NDUFA10: variants seen among roughly 807,000 people sequenced by gnomAD.
The protein encoded by NDUFA10 is NADH:ubiquinone oxidoreductase subunit A10, also known as NADH dehydrogenase [ubiquinone] 1 alpha subcomplex subunit 10, mitochondrial.
A neutral mutation model predicts 47.8 loss-of-function variants in NDUFA10; 40 were observed. The observed-to-expected ratio is 0.84, with a 90% CI of 0.65 to 1.09. The LOEUF (loss-of-function observed/expected upper bound fraction) is 1.09. Among genes scored for constraint, NDUFA10 ranks in the 50% least tolerant of loss-of-function variants. The pLI is 0.00. For missense variants in NDUFA10, 413 were observed against 451.1 expected (o/e 0.92, Z 0.76); for synonymous variants, 183 against 172.2 (o/e 1.06, Z -0.49).
chr2:240,014,582 C>T (rs1409499595), intron 5 of NDUFA10, 157 bp downstream of exon 5: 5 of 1,220,588 alleles, frequency 4.1e-6, no homozygotes, highest in East Asian at 2.4e-5. Flanking sequence ...CTCCCCTCCA[C>T]CCCTGCAGAT....
chr2:239,897,740 C>A (rs967612392), intron 4 of NDUFA10, among the ~76,000 whole-genome samples: 1 of 152,176 alleles, frequency 6.6e-6, no homozygotes, highest in Non-Finnish European at 1.5e-5. Flanking sequence ...AGCCACCAAA[C>A]CCTGCTGTTG....
intron 4 of NDUFA10, among the ~76,000 whole-genome samples, chr2:239,950,561 C>A (rs1348760575): frequency 6.6e-6 from 1 of 152,210 alleles, no homozygotes; most frequent in African/African-American, 2.4e-5. Flanking sequence ...GGTGTAAGGA[C>A]CCCACACACG....
At chr2:239,993,001 T>C (rs887897700) in intron 8 of NDUFA10, among the ~76,000 whole-genome samples, 2 of 152,178 alleles carry the variant, frequency 1.3e-5, no homozygotes, top group Non-Finnish European at 2.9e-5. Context: ...ATAAACACAA[T>C]TGATATTGTA....
At chr2:239,977,430 A>G (rs1462617053) in intron 9 of NDUFA10, among the ~76,000 whole-genome samples, 2 of 152,168 alleles carry the variant, frequency 1.3e-5, no homozygotes, top group Non-Finnish European at 2.9e-5. Flanking sequence ...GATGGGAAAG[A>G]GCAGGCTTCC....
At chr2:240,011,294 C>G (rs988205472) in intron 6 of NDUFA10, among the ~76,000 whole-genome samples, 1 of 152,108 alleles carries the variant, frequency 6.6e-6, no homozygotes, top group Non-Finnish European at 1.5e-5. Context: ...TTAGTTGCCA[C>G]CTGAAGTAAA....
At chr2:239,934,317 G>A (rs1207967894) in intron 4 of NDUFA10, among the ~76,000 whole-genome samples, 1 of 152,234 alleles carries the variant, frequency 6.6e-6, no homozygotes, top group South Asian at 2.1e-4. Flanking sequence ...GGAGTGGGGG[G>A]CAGGTGGGTC....
At chr2:239,912,133 A>G (rs944134080) in intron 4 of NDUFA10, among the ~76,000 whole-genome samples, 15 of 152,170 alleles carry the variant, frequency 9.9e-5, no homozygotes, top group Admixed American at 8.5e-4. Flanking sequence ...CTGTAGCTGG[A>G]ACATTCAGGC....
At chr2:240,012,294 A>G (rs1386283935) in intron 5 of NDUFA10, 1 of 162,400 alleles carries the variant, frequency 6.2e-6, no homozygotes, top group African/African-American at 2.4e-5. Context: ...GTCTCACACT[A>G]TCTTCTCAGC....
At chr2:240,018,402 G>T in intron 4 of NDUFA10, 151 bp downstream of exon 4, 1 of 1,548,856 alleles carries the variant, frequency 6.5e-7, no homozygotes, top group South Asian at 1.2e-5. Flanking sequence ...TACTTAGGAA[G>T]TTCCTTTTTC....
In NDUFA10 at chr2:240,011,704, G is replaced by A. The variant is rs2106481867; in HGVS notation, c.670-8C>T. The A allele has an allele frequency of 1.2e-6, 2 of 1,607,292 alleles. No homozygotes were observed. Among genetic ancestry groups the A allele is most frequent in the Middle Eastern group, 3.3e-4 (2 of 6,048 alleles). ...GATCTTCATTTCATGTGGCTAAACA[G>A]AAGCAGAAAAATCAAACTGGGAAAC... On this transcript the variant is annotated splice_polypyrimidine_tract_variant and splice_region_variant and intron_variant, in intron 5 of 9. Transcript: ENST00000252711.
rs576409501 is a variant in NDUFA10, at chr2:239,975,621, G to A, written c.1000-14435C>T. On this transcript the variant is annotated intron_variant, in intron 9 of 9. Coordinates refer to ENST00000252711, the MANE Select transcript of NDUFA10 (RefSeq NM_004544.4). ...GCCCAGCACACAGAAGGTGCTCGGG[G>A]TGACCTGGTATTGTTACCACTGCGA... Among the ~76,000 whole-genome samples the A allele has an allele frequency of 2.6e-5, 4 of 152,310 alleles. No individual in the cohort carries two copies. In the South Asian group the frequency reaches 6.2e-4, roughly 24 times the overall value.
intron 4 of NDUFA10, among the ~76,000 whole-genome samples, chr2:239,923,358 C>T (rs10197988): frequency 6.6e-6 from 1 of 152,080 alleles, no homozygotes; most frequent in Non-Finnish European, 1.5e-5. Context: ...ACATTCTATA[C>T]CTATGAAAAA....
chr2:240,023,308 T>C (rs774541858), intron 1 of NDUFA10, among the ~76,000 whole-genome samples: 1 of 152,080 alleles, frequency 6.6e-6, no homozygotes, highest in Non-Finnish European at 1.5e-5. Flanking sequence ...TTATAAAATA[T>C]AGCCAAAAAC....
intron 4 of NDUFA10, among the ~76,000 whole-genome samples, chr2:239,898,843 C>A (rs1029860590): frequency 6.6e-6 from 1 of 152,188 alleles, no homozygotes; most frequent in Non-Finnish European, 1.5e-5. Flanking sequence ...AAGCATTTTT[C>A]TGAGCTTACA....
chr2:239,984,535 T>C (rs959706534), intron 9 of NDUFA10, among the ~76,000 whole-genome samples: 17 of 152,248 alleles, frequency 1.1e-4, no homozygotes, highest in Non-Finnish European at 1.9e-4. Context: ...TTCTCTTAGA[T>C]TCTCTTTAAT....
chr2:239,963,258 G>T (rs1171680244), intron 9 of NDUFA10, among the ~76,000 whole-genome samples: 2 of 152,242 alleles, frequency 1.3e-5, no homozygotes, highest in East Asian at 3.8e-4. Flanking sequence ...CAGGGGGTTT[G>T]GTATTGTGGG....
intron 5 of NDUFA10, among the ~76,000 whole-genome samples, chr2:239,894,882 C>T (rs1271127424): frequency 6.6e-6 from 1 of 152,136 alleles, no homozygotes; most frequent in East Asian, 1.9e-4. Context: ...GCTACAGGCA[C>T]GATCCTGAGG....
Position 239,928,518 on chromosome 2 carries a change from G to T in NDUFA10, c.295-33204C>A, listed in dbSNP as rs555841234. ...CCAGACTCCTCGGCCCTGGCCCACC[G>T]CGAGCCGCTGCTGGGTTTAATGCAG... On this transcript the variant is annotated intron_variant, in intron 4 of 5. Transcript: ENST00000419408. The surrounding 1 kb of genome is among the most constrained non-coding windows in gnomAD (Gnocchi z 4.3). Among the ~76,000 whole-genome samples, 1 of 152,132 alleles carries T rather than the reference G, an allele frequency of 6.6e-6. No homozygotes were observed. The highest frequency in any genetic ancestry group is 2.4e-5 in the African/African-American group (1 of 41,430).
intron 4 of NDUFA10, among the ~76,000 whole-genome samples, chr2:239,951,066 G>A (rs1287250698): frequency 2.0e-5 from 3 of 152,190 alleles, no homozygotes; most frequent in African/African-American, 7.2e-5. Flanking sequence ...ATTGGCTTTT[G>A]AAGTGAAAAA....
Sources: gnomAD v4.1 joint callset for allele counts (sites outside exome capture counted in the v4.1 genomes callset) on GRCh38, gnomAD v4.1.1 for gene constraint, Gnocchi (gnomAD v3.1) non-coding constraint, MANE v1.5 for transcripts, NCBI Gene and HGNC (gene_info 2026-07-23, HGNC 2026-07-21) for gene names.